GPHN: variants seen among roughly 807,000 people sequenced by gnomAD.
The protein encoded by GPHN is gephyrin.
In GPHN, 17 loss-of-function variants were observed where a neutral mutation model predicts 95.5. The observed-to-expected ratio is 0.18, with a 90% confidence interval of 0.12 to 0.27. The LOEUF is 0.27. Ranked by LOEUF, GPHN falls within the 10% of genes least tolerant of loss-of-function variation. The pLI is 1.00. For missense variants in GPHN, 660 were observed against 978.1 expected, an observed-to-expected ratio of 0.67 and a Z score of 4.34; for synonymous variants, 320 against 322.5, an observed-to-expected ratio of 0.99 and a Z score of 0.08.
the GPHN span, among the ~76,000 whole-genome samples, chr14:67,346,378 C>G: frequency 1.3e-5 from 2 of 152,348 alleles, no homozygotes; most frequent in East Asian, 1.9e-4. Context: ...GTGGTGCGAT[C>G]TCAGCTCACT....
chr14:67,693,448 G>A, the GPHN span, among the ~76,000 whole-genome samples: 46 of 151,958 alleles, frequency 3.0e-4, 1 homozygote, highest in African/African-American at 1.1e-3. Context: ...TTATGGCCTT[G>A]AGAAATGGCT....
At chr14:67,302,235 G>C in the GPHN span, 30,583 of 1,232,650 alleles carry the variant, frequency 0.025, 448 homozygotes, top group Middle Eastern at 0.03. Flanking sequence ...AGAAAGTGTG[G>C]GGGAAATGGT....
chr14:67,408,971 TAG>T, the GPHN span, among the ~76,000 whole-genome samples: 10 of 150,894 alleles, frequency 6.6e-5, no homozygotes, highest in Admixed American at 6.6e-4. Context: ...TCCCAGCACT[TAG>T]AGAGGCCAAG....
the GPHN span, among the ~76,000 whole-genome samples, chr14:67,504,827 G>A: frequency 1.3e-5 from 2 of 152,252 alleles, no homozygotes; most frequent in East Asian, 1.9e-4. Flanking sequence ...AGAGGTTGCA[G>A]GTGAGCTGAG....
At chr14:66,982,069 G>A (rs889937739) in intron 9 of GPHN, among the ~76,000 whole-genome samples, 4 of 152,110 alleles carry the variant, frequency 2.6e-5, no homozygotes, top group African/African-American at 9.7e-5. Context: ...TCATAAGCCT[G>A]AAATTTCTTT....
In GPHN at chr14:66,922,708, G is replaced by C. The variant is rs1206432505; in HGVS notation, c.499G>C (p.Asp167His). 1 of 1,613,208 alleles carries C rather than the reference G, an allele frequency of 6.2e-7. No homozygotes were observed. Among genetic ancestry groups the C allele is most frequent in the Non-Finnish European group, 8.5e-7 (1 of 1,179,526 alleles). The change falls in exon 7 of 23, where the codon GAC (aspartate) becomes CAC (histidine). Residue 167 changes from aspartate to histidine, a missense_variant. Transcript: ENST00000478722. ...FILPALPHAI[D>H]LLRDAIVKVK... ...ACTGCCAGCTCTACCTCATGCCATT[G>C]ACCTTTTACGTGATGCCATTGTAAA... is the stretch of plus-strand genomic sequence containing the variant.
intron 2 of GPHN, among the ~76,000 whole-genome samples, chr14:66,724,069 A>G (rs1463204089): frequency 1.3e-5 from 2 of 151,964 alleles, no homozygotes; most frequent in African/African-American, 4.8e-5. Flanking sequence ...AAATTTCTGC[A>G]ATGAGTCAAT....
the GPHN span, among the ~76,000 whole-genome samples, chr14:67,662,081 G>A: frequency 5.3e-5 from 8 of 151,876 alleles, no homozygotes; most frequent in East Asian, 3.9e-4. Context: ...GTGTGAACCC[G>A]GGAGGTGGAG....
intron 1 of GPHN, among the ~76,000 whole-genome samples, chr14:66,575,049 ATCTATCTATATATACATCCTATTGAT>A (rs1388750474): frequency 2.6e-5 from 4 of 152,190 alleles, no homozygotes; most frequent in African/African-American, 9.7e-5. Flanking sequence ...CTATATTTAT[ATCTATCTATATATACATCCTATTGAT>A]TCTGTCTCTG....
intron 17 of GPHN, among the ~76,000 whole-genome samples, chr14:67,131,554 C>T (rs893871675): frequency 6.6e-5 from 10 of 152,144 alleles, no homozygotes; most frequent in Non-Finnish European, 8.8e-5. Flanking sequence ...AAGTATGGTA[C>T]TGACAGTAGA....
intron 17 of GPHN, among the ~76,000 whole-genome samples, chr14:67,141,315 G>T (rs1200013760): frequency 6.6e-6 from 1 of 152,134 alleles, no homozygotes; most frequent in Non-Finnish European, 1.5e-5. Flanking sequence ...TTAGCTCTGT[G>T]AATGTATTTA....
At chr14:66,518,174 T>TA (rs1181917302) in intron 1 of GPHN, among the ~76,000 whole-genome samples, 1 of 149,860 alleles carries the variant, frequency 6.7e-6, no homozygotes, top group Non-Finnish European at 1.5e-5. Context: ...GCAATCTGAT[T>TA]AAAAAAAGAT....
At chr14:66,983,496 C>A (rs898812740) in intron 9 of GPHN, among the ~76,000 whole-genome samples, 8 of 152,116 alleles carry the variant, frequency 5.3e-5, no homozygotes, top group Non-Finnish European at 1.0e-4. Context: ...GCAAAAAAAT[C>A]ACATGAAACT....
At chr14:67,732,035 G>A in the GPHN span, among the ~76,000 whole-genome samples, 1 of 151,092 alleles carries the variant, frequency 6.6e-6, no homozygotes, top group African/African-American at 2.4e-5. Flanking sequence ...GCTGAGGCAG[G>A]AGAATCACTT....
At chr14:67,087,158 T>G in intron 11 of GPHN, among the ~76,000 whole-genome samples, 1 of 152,104 alleles carries the variant, frequency 6.6e-6, no homozygotes, top group East Asian at 1.9e-4. Context: ...TAATAAACAT[T>G]TACTGTATCA....
At chr14:66,794,129 C>G (rs2060073877) in intron 3 of GPHN, among the ~76,000 whole-genome samples, 3 of 152,068 alleles carry the variant, frequency 2.0e-5, no homozygotes, top group Admixed American at 2.0e-4. Context: ...GATCTGTGTC[C>G]ACACCCAACT....
the GPHN span, among the ~76,000 whole-genome samples, chr14:67,664,741 C>T: frequency 6.6e-6 from 1 of 152,174 alleles, no homozygotes; most frequent in Non-Finnish European, 1.5e-5. Context: ...TCAAGTGATC[C>T]ATCCACCTCA....
the GPHN span, among the ~76,000 whole-genome samples, chr14:67,332,467 T>G: frequency 6.6e-6 from 1 of 152,320 alleles, no homozygotes; most frequent in East Asian, 1.9e-4. Context: ...AAAACAAATG[T>G]TTGTAGGGAA....
intron 4 of GPHN, among the ~76,000 whole-genome samples, chr14:66,877,487 C>T (rs1231077787): frequency 6.6e-6 from 1 of 152,160 alleles, no homozygotes; most frequent in Non-Finnish European, 1.5e-5. Flanking sequence ...TTGAAAACCC[C>T]ATTGTCTCAG....
Sources: gnomAD v4.1 joint callset for allele counts (sites outside exome capture counted in the v4.1 genomes callset) on GRCh38, gnomAD v4.1.1 for gene constraint, MANE v1.5 for transcripts, NCBI Gene and HGNC (gene_info 2026-07-23, HGNC 2026-07-21) for gene names.